Variants in CSMD1 observed in about 807,000 individuals in gnomAD.
CSMD1 encodes CUB and Sushi multiple domains 1.
CSMD1 carries 213 observed loss-of-function variants against 417.5 expected under a neutral mutation model. That is an observed-to-expected ratio of 0.51 (90% confidence interval 0.46 to 0.57). The LOEUF is 0.57. Among genes scored for constraint, CSMD1 ranks in the 20% least tolerant of loss-of-function variants. CSMD1 has a pLI of 0.00. For synonymous variants in CSMD1, 2,862 were observed against 1,736.8 expected (o/e 1.65, Z -16.11); for missense variants, 6,923 against 4,529.7 (o/e 1.53, Z -15.17).
intron 1 of CSMD1, among the ~76,000 whole-genome samples, chr8:4,966,498 C>A (rs985591428): frequency 3.3e-5 from 5 of 152,110 alleles, no homozygotes; most frequent in African/African-American, 9.7e-5. Context: ...CATCGCGAGG[C>A]CCTTAAGGGG....
chr8:4,971,333 C>T (rs570886670), intron 1 of CSMD1, among the ~76,000 whole-genome samples: 13 of 152,022 alleles, frequency 8.6e-5, no homozygotes, highest in African/African-American at 3.1e-4. Flanking sequence ...AACTCTGATA[C>T]TAAAAAATAA....
At chr8:4,425,273 T>C (rs1171563624) in intron 2 of CSMD1, among the ~76,000 whole-genome samples, 1 of 151,822 alleles carries the variant, frequency 6.6e-6, no homozygotes, top group Non-Finnish European at 1.5e-5. Flanking sequence ...AAGACTACTG[T>C]TCAGAGGTTT....
chr8:4,808,774 G>C (rs1209277300), intron 1 of CSMD1, among the ~76,000 whole-genome samples: 2 of 152,092 alleles, frequency 1.3e-5, no homozygotes, highest in African/African-American at 2.4e-5. Context: ...TAGAACCTTG[G>C]TATCATTTTT....
At chr8:4,026,665 A>C (rs964801218) in intron 4 of CSMD1, among the ~76,000 whole-genome samples, 1 of 152,248 alleles carries the variant, frequency 6.6e-6, no homozygotes, top group Non-Finnish European at 1.5e-5. Context: ...TTAAGATATT[A>C]TGTCAAAATA....
chr8:4,873,536 C>G (rs988821495), intron 1 of CSMD1, among the ~76,000 whole-genome samples: 1 of 152,108 alleles, frequency 6.6e-6, no homozygotes, highest in African/African-American at 2.4e-5. Flanking sequence ...AGTATCTTAA[C>G]AGCATCTAAG....
At chr8:4,085,179 G>T (rs1157009309) in intron 3 of CSMD1, among the ~76,000 whole-genome samples, 1 of 152,140 alleles carries the variant, frequency 6.6e-6, no homozygotes, top group Non-Finnish European at 1.5e-5. Context: ...TGCTGAGGAT[G>T]GCAGCACAGT....
chr8:4,458,014 A>G (rs993523877), intron 2 of CSMD1, among the ~76,000 whole-genome samples: 1 of 152,148 alleles, frequency 6.6e-6, no homozygotes, highest in African/African-American at 2.4e-5. Context: ...ACTTCTCCCT[A>G]TATCCGGTAT....
At chr8:4,272,480 A>G (rs1007385744) in intron 3 of CSMD1, among the ~76,000 whole-genome samples, 8 of 152,178 alleles carry the variant, frequency 5.3e-5, no homozygotes, top group African/African-American at 1.9e-4. Context: ...AGGCACAGAT[A>G]ACTATACACG....
chr8:4,145,753 G>A (rs1804073590), intron 3 of CSMD1, among the ~76,000 whole-genome samples: 1 of 151,022 alleles, frequency 6.6e-6, no homozygotes. Flanking sequence ...AGTCAACACT[G>A]ATTCCCTGCA....
At chr8:4,529,939 G>A (rs117043820) in intron 2 of CSMD1, among the ~76,000 whole-genome samples, 11,569 of 150,710 alleles carry the variant, frequency 0.077, 552 homozygotes, top group East Asian at 0.13. Flanking sequence ...GTTTGAGACC[G>A]AGTCTCGATT....
At chr8:3,576,918 T>C (rs990101543) in intron 9 of CSMD1, among the ~76,000 whole-genome samples, 1 of 152,232 alleles carries the variant, frequency 6.6e-6, no homozygotes, top group Non-Finnish European at 1.5e-5. Flanking sequence ...ACTTCATAAT[T>C]AACAGCTGTT....
chr8:4,906,064 G>A (rs1191490277), intron 1 of CSMD1, among the ~76,000 whole-genome samples: 1 of 152,004 alleles, frequency 6.6e-6, no homozygotes, highest in East Asian at 1.9e-4. Flanking sequence ...GAAACTTTCA[G>A]ACCCTCTCAC....
intron 2 of CSMD1, among the ~76,000 whole-genome samples, chr8:4,593,160 G>C (rs115249316): frequency 6.6e-6 from 1 of 152,132 alleles, no homozygotes; most frequent in East Asian, 1.9e-4. Flanking sequence ...AGCATTGAGA[G>C]GACCAGGCAG....
intron 5 of CSMD1, among the ~76,000 whole-genome samples, chr8:3,914,766 T>C (rs1563206086): frequency 6.6e-6 from 1 of 152,106 alleles, no homozygotes. Flanking sequence ...TTGCTCATTC[T>C]TCATTTTTAC....
At chr8:4,124,478 C>T (rs1040899417) in intron 3 of CSMD1, among the ~76,000 whole-genome samples, 3 of 152,104 alleles carry the variant, frequency 2.0e-5, no homozygotes, top group Admixed American at 6.5e-5. Flanking sequence ...GACTTCTCTC[C>T]ACGGGGTGAA....
rs148193114 is a variant in CSMD1 at position 3,169,894 on chromosome 8, C to A, written c.5726-7617G>T. Among the ~76,000 whole-genome samples the A allele has an allele frequency of 3.6e-3, 547 of 152,306 alleles. 7 individuals carry two copies. Among genetic ancestry groups the A allele is most frequent in the African/African-American group, 0.012 (499 of 41,560 alleles). On this transcript the variant is annotated intron_variant, in intron 37 of 69. Coordinates refer to ENST00000635120, the MANE Select transcript of CSMD1 (RefSeq NM_033225.6). The stretch of plus-strand genomic sequence containing the variant: ...ATTCCTTTCCTGATGTGAGAATGGG[C>A]TGGCTCTCTAGTCCTCTGTGGATGA...
chr8:4,082,103 G>T (rs1306446671), intron 3 of CSMD1, among the ~76,000 whole-genome samples: 1 of 152,056 alleles, frequency 6.6e-6, no homozygotes, highest in Non-Finnish European at 1.5e-5. Flanking sequence ...TCAAGAAAAA[G>T]AAGAGATATG....
At chr8:4,308,476 C>T (rs1038955366) in intron 3 of CSMD1, among the ~76,000 whole-genome samples, 4 of 152,168 alleles carry the variant, frequency 2.6e-5, no homozygotes, top group South Asian at 2.1e-4. Flanking sequence ...TCAGCGAGGG[C>T]CAATGTGAAA....
chr8:3,976,498 T>G (rs1585063937), intron 5 of CSMD1, among the ~76,000 whole-genome samples: 1 of 152,294 alleles, frequency 6.6e-6, no homozygotes, highest in East Asian at 1.9e-4. Flanking sequence ...ACATAACGCT[T>G]AATAAATATT....
Sources: allele counts gnomAD v4.1 joint callset (sites outside exome capture counted in the v4.1 genomes callset), GRCh38; gene constraint gnomAD v4.1.1; transcripts MANE v1.5; gene names NCBI Gene and HGNC (gene_info 2026-07-23, HGNC 2026-07-21).